The following CACNB3 variants were observed in gnomAD, a reference collection of about 807,000 sequenced individuals.
The protein encoded by CACNB3 is calcium voltage-gated channel auxiliary subunit beta 3, also known as voltage-dependent L-type calcium channel subunit beta-3.
In CACNB3, 36 loss-of-function variants were observed where a neutral mutation model predicts 63.7. The ratio of observed to expected loss-of-function variants is 0.57; its 90% CI spans 0.43 to 0.75. The LOEUF is 0.75. Ranked by LOEUF, CACNB3 falls within the 30% of genes least tolerant of loss-of-function variation. The pLI, the probability that CACNB3 is intolerant of heterozygous loss-of-function variation, is 0.00. For synonymous variants in CACNB3, 241 were observed against 250.6 expected (o/e 0.96, Z 0.36); for missense variants, 493 against 648.6 (o/e 0.76, Z 2.61).
Position 48,827,635 on chromosome 12 carries a change from G to C in CACNB3, c.1191G>C (p.Arg397=). ...GCGAGGAGCACTCCCCCCTTGAGCG[G>C]GACAGCTTGATGCCCTCTGATGAGG... The part of the protein sequence containing the change: ...ERGEEHSPLE[R]DSLMPSDEAS... Residue 397 remains arginine, a synonymous_variant, in exon 13 of 13, where the codon CGG becomes CGC. Coordinates refer to ENST00000301050, the MANE Select transcript of CACNB3 (RefSeq NM_000725.4). The C allele has an allele frequency of 6.2e-7, 1 of 1,613,680 alleles. No individual in the cohort carries two copies. Among genetic ancestry groups the C allele is most frequent in the Non-Finnish European group, 8.5e-7 (1 of 1,179,968 alleles).
intron 3 of CACNB3, 85 bp from the exon 4 acceptor site, chr12:48,824,173 G>A: frequency 1.8e-6 from 2 of 1,116,478 alleles, no homozygotes; most frequent in Non-Finnish European, 2.6e-6. Flanking sequence ...CTCAGTGACT[G>A]CCTCGCTGGC....
upstream of CACNB3, chr12:48,815,741 G>C (rs574960797): frequency 5.5e-5 from 77 of 1,402,626 alleles, no homozygotes; most frequent in African/African-American, 1.1e-3. Flanking sequence ...AACCGTGGGG[G>C]GGGTGTGGGG....
rs1417721143 is a variant in CACNB3 at position 48,818,715 on chromosome 12, G to A, written c.-215G>A. ...GCCGCGCTCGGGGTGGGACCGGCTG[G>A]GTTTGGGGGGGTGGGGTGGGGGGAG... On this transcript the variant is annotated 5_prime_UTR_variant, in exon 1 of 13. Transcript: ENST00000301050. The surrounding 1 kb of genome is among the most constrained non-coding windows in gnomAD (Gnocchi z 4.3). The A allele has an allele frequency of 8.6e-7, 1 of 1,162,656 alleles. No individual in the cohort carries two copies. Among genetic ancestry groups the A allele is most frequent in the Non-Finnish European group, 1.1e-6 (1 of 911,542 alleles). 72.0% of individuals were successfully genotyped at this position (1,162,656 alleles called of 1,614,324 possible). A position where few individuals can be genotyped will look rare whatever the true frequency, so the allele number is the denominator to read the frequency against.
At chr12:48,822,288 GAC>G (rs1282590654) in intron 1 of CACNB3, among the ~76,000 whole-genome samples, 1 of 152,078 alleles carries the variant, frequency 6.6e-6, no homozygotes, top group Non-Finnish European at 1.5e-5. Flanking sequence ...AGGAAACCCA[GAC>G]ATTGTAACCT....
At chr12:48,827,516 T>A in intron 12 of CACNB3, 69 bp from the exon 13 acceptor site, 1 of 1,393,044 alleles carries the variant, frequency 7.2e-7, no homozygotes, top group East Asian at 2.3e-5. Flanking sequence ...GGGGGAAGAA[T>A]CTCGCACCTC....
chr12:48,825,803 C>T lies in CACNB3; in HGVS notation c.742+34C>T, dbSNP rs1300164014. The T allele has an allele frequency of 8.8e-6, 13 of 1,472,682 alleles. No homozygotes were observed. The highest frequency in any genetic ancestry group is 1.4e-5 in the African/African-American group (1 of 72,038). The allele number at this position is 1,472,682 out of a possible 1,614,324, so 91.2% of individuals were successfully genotyped here. On this transcript the variant is annotated intron_variant, in intron 9 of 12. Transcript: ENST00000301050. This position sits in a 1 kb window ranked among gnomAD's most constrained non-coding sequence, Gnocchi z 4.5. The stretch of plus-strand genomic sequence containing the variant: ...TCCCCACCACCTGCTTCTGTGCCCA[C>T]TCAAGTGCCAGTGAGAACCTTCCTC...
chr12:48,824,969 G>T lies in CACNB3; in HGVS notation c.492+1G>T, dbSNP rs1212355477. ...AAAAGCCAAGCAGAAGCAAAAGCAG[G>T]TGAGTCAAGGAAGGGACCTGGGCTG... On this transcript the variant is annotated splice_donor_variant, in intron 6 of 12. Coordinates refer to ENST00000301050, the MANE Select transcript of CACNB3 (RefSeq NM_000725.4). LOFTEE classifies it high-confidence loss of function. 3 of 1,613,466 alleles carry T rather than the reference G, an allele frequency of 1.9e-6. No individual in the cohort carries two copies. The highest frequency in any genetic ancestry group is 2.5e-6 in the Non-Finnish European group (3 of 1,179,916).
chr12:48,819,560 A>G (rs1343766401), intron 1 of CACNB3: 1 of 380,300 alleles, frequency 2.6e-6, no homozygotes, highest in African/African-American at 2.1e-5. Flanking sequence ...TCTCTAGCCC[A>G]GTTTCTCTCC....
Position 48,827,997 on chromosome 12 carries a change from GGCTCAGCCCCCAAAACCCCCT to G in CACNB3, c.*101_*121del. On this transcript the variant is annotated 3_prime_UTR_variant, in exon 13 of 13. Coordinates refer to ENST00000301050, the MANE Select transcript of CACNB3 (RefSeq NM_000725.4). ...TTAGACTGGCATCAGGCTGGCACTA[GGCTCAGCCCCCAAAACCCCCT>G]GCCCAGCCCCAGCTTCAGGGCTGCC... is the stretch of plus-strand genomic sequence containing the variant. 9.4e-7 allele frequency: 1 copy of G among 1,061,820 alleles called. No individual in the cohort carries two copies. The highest frequency in any genetic ancestry group is 1.4e-6 in the Non-Finnish European group (1 of 723,920). The allele number at this position is 1,061,820 out of a possible 1,614,324, so 65.8% of individuals were successfully genotyped here. A position where few individuals can be genotyped will look rare whatever the true frequency, so the allele number is the denominator to read the frequency against.
Position 48,827,683 on chromosome 12 carries a change from C to T in CACNB3, c.1239C>T (p.Ala413=), listed in dbSNP as rs779488906. The T allele has an allele frequency of 2.5e-6, 4 of 1,613,910 alleles. No homozygotes were observed. The highest frequency in any genetic ancestry group is 3.4e-6 in the Non-Finnish European group (4 of 1,180,030). Residue 413 remains alanine (A), a synonymous_variant, in exon 13 of 13, where the codon GCC becomes GCT. Transcript: ENST00000301050. ...AGGCCAGCGAGAGCTCCCGCCAAGC[C>T]TGGACAGGATCTTCACAGCGTAGCT... The part of the protein sequence containing the change: ...SDEASESSRQ[A]WTGSSQRSSR...
chr12:48,816,240 G>C (rs931396701), upstream of CACNB3, among the ~76,000 whole-genome samples: 1 of 152,140 alleles, frequency 6.6e-6, no homozygotes, highest in South Asian at 2.1e-4. Context: ...TCCCAAGAAG[G>C]TTTCAATATA....
In CACNB3 at chr12:48,824,331, A is replaced by G. The variant is rs781583445; in HGVS notation, c.365A>G (p.Gln122Arg). The G allele has an allele frequency of 1.2e-6, 2 of 1,612,188 alleles. No homozygotes were observed. Among genetic ancestry groups the G allele is most frequent in the Non-Finnish European group, 1.7e-6 (2 of 1,179,458 alleles). ...GGDIAFIPSP[Q>R]RLESIRLKQE... is the part of the protein sequence containing the mutation. ...GACATCGCCTTCATCCCCAGCCCCC[A>G]GCGCCTGGAGAGCATCCGGCTCAAA... Residue 122 changes from glutamine to arginine, a missense_variant, in exon 4 of 13, where the codon CAG becomes CGG. By Grantham distance (43) the Gln-to-Arg change is conservative. Transcript: ENST00000301050.
At position 48,825,405 on chromosome 12, in the gene CACNB3, C is replaced by A. The variant is rs372586163; in HGVS notation, c.574-29C>A. ...GGGAGGCTGCTTCTCTCCAAAGGGGCCCTTCATCAGTGCCATGCCTTCCCC... is the reference window on the plus strand; with the variant it reads ...GGGAGGCTGCTTCTCTCCAAAGGGGACCTTCATCAGTGCCATGCCTTCCCC... On this transcript the variant is annotated intron_variant, in intron 7 of 12. Transcript: ENST00000301050. This position sits in a 1 kb window ranked among gnomAD's most constrained non-coding sequence, Gnocchi z 4.5. The A allele has an allele frequency of 6.2e-7, 1 of 1,613,222 alleles. No homozygotes were observed. The highest frequency in any genetic ancestry group is 8.5e-7 in the Non-Finnish European group (1 of 1,179,152).
At position 48,818,801 on chromosome 12, in the gene CACNB3, G is replaced by C. The variant is rs1174597984; in HGVS notation, c.-129G>C. On this transcript the variant is annotated 5_prime_UTR_variant, in exon 1 of 13. Transcript: ENST00000301050. This position sits in a 1 kb window ranked among gnomAD's most constrained non-coding sequence, Gnocchi z 4.3. ...CTCGCTCCCTCCTTCGCGCTCTCTC[G>C]CTCCCTGCCGCCGCCCGCAGGGCTG... The C allele has an allele frequency of 6.1e-5, 83 of 1,362,388 alleles. No homozygotes were observed. The highest frequency in any genetic ancestry group is 6.0e-5 in the Non-Finnish European group (63 of 1,058,764). 84.4% of individuals were successfully genotyped at this position (1,362,388 alleles called of 1,614,324 possible). A position where few individuals can be genotyped will look rare whatever the true frequency, so the allele number is the denominator to read the frequency against.
intron 1 of CACNB3, chr12:48,821,454 G>A (rs1320935069): frequency 2.0e-5 from 3 of 151,994 alleles, no homozygotes; most frequent in Non-Finnish European, 4.4e-5. Context: ...CTCCAGCCTG[G>A]GTGACAGAGC....
intron 5 of CACNB3, 46 bp from the exon 6 acceptor site, chr12:48,824,903 T>G: frequency 6.2e-7 from 1 of 1,611,754 alleles, no homozygotes. Context: ...CCCAGGGACC[T>G]TTCCCCCTTC....
At chr12:48,824,642 C>A in intron 4 of CACNB3, 27 bp from the exon 5 acceptor site, 1 of 1,549,298 alleles carries the variant, frequency 6.5e-7, no homozygotes, top group Non-Finnish European at 8.9e-7. Context: ...TCTTCTCTCT[C>A]TCTCTTTCAC....
In CACNB3 at chr12:48,824,253, C is replaced by A; in HGVS notation, c.292-5C>A. 6.2e-7 allele frequency: 1 copy of A among 1,609,258 alleles called. No homozygotes were observed. The highest frequency in any genetic ancestry group is 8.5e-7 in the Non-Finnish European group (1 of 1,177,512). ...ACCACCCCTTCCTGCTCCACCTGCC[C>A]CCAGAAGTACAGCAATGACTGGTGG... is the stretch of plus-strand genomic sequence containing the variant. On this transcript the variant is annotated splice_polypyrimidine_tract_variant and splice_region_variant and intron_variant, in intron 3 of 12. Coordinates refer to ENST00000301050, the MANE Select transcript of CACNB3 (RefSeq NM_000725.4).
At position 48,827,797 on chromosome 12, in the gene CACNB3, C is replaced by CCCATGGGG. The variant is rs1938232952; in HGVS notation, c.1353_1354insCCATGGGG (p.Gly452ProfsTer12). On this transcript the variant is annotated frameshift_variant, in exon 13 of 13. Coordinates refer to ENST00000301050, the MANE Select transcript of CACNB3 (RefSeq NM_000725.4). LOFTEE classifies it high-confidence loss of function. The stretch of plus-strand genomic sequence containing the variant: ...ACACCTCGGGGCTGCCTAGTGCTAA[C>CCCATGGGG]GGGCATGACCCCCAAGACCGGCTTC... The CCCATGGGG allele has an allele frequency of 3.1e-6, 5 of 1,614,168 alleles. No individual in the cohort carries two copies. Among genetic ancestry groups the CCCATGGGG allele is most frequent in the Non-Finnish European group, 4.2e-6 (5 of 1,179,988 alleles).
Sources: gnomAD v4.1 joint callset for allele counts (sites outside exome capture counted in the v4.1 genomes callset) on GRCh38, gnomAD v4.1.1 for gene constraint, Gnocchi (gnomAD v3.1) non-coding constraint, MANE v1.5 for transcripts, NCBI Gene and HGNC (gene_info 2026-07-23, HGNC 2026-07-21) for gene names.